LRMDA: variants seen among roughly 807,000 people sequenced by gnomAD.
The protein encoded by LRMDA is leucine-rich melanocyte differentiation-associated protein.
Under a neutral mutation model 29.8 loss-of-function variants are expected in LRMDA, and 18 were observed. The ratio of observed to expected loss-of-function variants is 0.60; its 90% CI spans 0.42 to 0.90. The LOEUF is 0.90. Among genes scored for constraint, LRMDA ranks in the 40% least tolerant of loss-of-function variants. The pLI is 0.00. For synonymous variants in LRMDA, 125 were observed against 109.4 expected, an observed-to-expected ratio of 1.14 and a Z score of -0.89; for missense variants, 273 against 273.9, an observed-to-expected ratio of 1.00 and a Z score of 0.02.
chr10:76,080,853 C>T (rs1156709847), intron 5 of LRMDA, among the ~76,000 whole-genome samples: 1 of 152,152 alleles, frequency 6.6e-6, no homozygotes, highest in African/African-American at 2.4e-5. Context: ...AAGCAAATGT[C>T]TCTTCCGACG....
At chr10:75,523,069 G>A (rs962561411) in intron 2 of LRMDA, among the ~76,000 whole-genome samples, 6 of 152,218 alleles carry the variant, frequency 3.9e-5, no homozygotes. Flanking sequence ...TTGAACTTCA[G>A]TTTCCTCACT....
chr10:76,429,524 T>A (rs1564539106), intron 6 of LRMDA, among the ~76,000 whole-genome samples: 1 of 152,040 alleles, frequency 6.6e-6, no homozygotes, highest in African/African-American at 2.4e-5. Flanking sequence ...GGGAGGCGCG[T>A]ACAAGCGAGG....
intron 2 of LRMDA, among the ~76,000 whole-genome samples, chr10:75,734,040 A>G (rs1809937581): frequency 6.6e-6 from 1 of 152,172 alleles, no homozygotes; most frequent in Non-Finnish European, 1.5e-5. Context: ...CGTGGGAGAC[A>G]CAAGGGAGAT....
intron 5 of LRMDA, among the ~76,000 whole-genome samples, chr10:76,173,959 C>A (rs957760407): frequency 6.6e-6 from 1 of 152,180 alleles, no homozygotes; most frequent in African/African-American, 2.4e-5. Context: ...TGCATCTGGC[C>A]TGCCATATGT....
chr10:75,514,698 T>C (rs1845269496), intron 2 of LRMDA, among the ~76,000 whole-genome samples: 1 of 152,180 alleles, frequency 6.6e-6, no homozygotes, highest in Non-Finnish European at 1.5e-5. Flanking sequence ...TGTCTTGCCA[T>C]GTGTCAGGCC....
chr10:76,160,307 T>C (rs1004515875), intron 5 of LRMDA, among the ~76,000 whole-genome samples: 5 of 151,990 alleles, frequency 3.3e-5, no homozygotes, highest in Non-Finnish European at 5.9e-5. Context: ...ACCTTAAATA[T>C]TTTATAATTG....
intron 2 of LRMDA, among the ~76,000 whole-genome samples, chr10:76,028,551 C>G (rs1848098119): frequency 1.3e-5 from 2 of 152,136 alleles, no homozygotes; most frequent in South Asian, 2.1e-4. Context: ...CTGTATCTTT[C>G]TTAATATCTC....
intron 2 of LRMDA, among the ~76,000 whole-genome samples, chr10:75,564,273 A>T (rs540778266): frequency 6.6e-6 from 1 of 152,178 alleles, no homozygotes; most frequent in African/African-American, 2.4e-5. Flanking sequence ...GACGCCTTGC[A>T]GCTTGATCTC....
chr10:76,162,971 T>A (rs1042825381), intron 5 of LRMDA, among the ~76,000 whole-genome samples: 1 of 152,236 alleles, frequency 6.6e-6, no homozygotes, highest in African/African-American at 2.4e-5. Flanking sequence ...TCTGTTGCTA[T>A]AATTCCAGAT....
intron 2 of LRMDA, among the ~76,000 whole-genome samples, chr10:75,622,907 G>T (rs1841205657): frequency 6.6e-6 from 1 of 152,182 alleles, no homozygotes; most frequent in Non-Finnish European, 1.5e-5. Context: ...GAGCTGTAAT[G>T]GGTCTGGGCT....
chr10:76,552,844 T>TG (rs1201867641), intron 6 of LRMDA, among the ~76,000 whole-genome samples: 8 of 152,194 alleles, frequency 5.3e-5, no homozygotes, highest in Non-Finnish European at 1.2e-4. Context: ...TTCCCTGGAC[T>TG]GGGCTCTCAG....
intron 5 of LRMDA, among the ~76,000 whole-genome samples, chr10:76,230,931 C>T (rs1482424667): frequency 2.0e-5 from 3 of 152,148 alleles, no homozygotes; most frequent in Admixed American, 6.5e-5. Context: ...TTTACAGCTT[C>T]TTTATAAAAT....
At chr10:76,236,587 A>C (rs937426034) in intron 5 of LRMDA, among the ~76,000 whole-genome samples, 1 of 151,780 alleles carries the variant, frequency 6.6e-6, no homozygotes, top group Non-Finnish European at 1.5e-5. Context: ...ACCTTTAAAA[A>C]CCCTAGCCCC....
At chr10:75,634,650 A>T (rs959427432) in intron 2 of LRMDA, among the ~76,000 whole-genome samples, 4 of 152,258 alleles carry the variant, frequency 2.6e-5, no homozygotes, top group African/African-American at 9.6e-5. Flanking sequence ...AAACAGAGGT[A>T]TAAGGAATGA....
chr10:75,735,981 A>C (rs1336264396), intron 2 of LRMDA, among the ~76,000 whole-genome samples: 2 of 152,144 alleles, frequency 1.3e-5, no homozygotes, highest in East Asian at 1.9e-4. Flanking sequence ...GCAGCTGGGC[A>C]AAAGGGTAAG....
intron 2 of LRMDA, among the ~76,000 whole-genome samples, chr10:75,544,793 T>A (rs1241512834): frequency 1.3e-5 from 2 of 152,216 alleles, no homozygotes; most frequent in East Asian, 3.8e-4. Context: ...TGAGGTATAA[T>A]TGACGAATAA....
chr10:75,894,295 T>C (rs1845546984), intron 2 of LRMDA, among the ~76,000 whole-genome samples: 2 of 152,226 alleles, frequency 1.3e-5, no homozygotes, highest in Non-Finnish European at 2.9e-5. Context: ...TTTCAGTTCC[T>C]GAGTTGCTTC....
intron 2 of LRMDA, among the ~76,000 whole-genome samples, chr10:75,883,968 C>T (rs1056974509): frequency 2.0e-5 from 3 of 151,692 alleles, no homozygotes; most frequent in Non-Finnish European, 4.4e-5. Flanking sequence ...CATTGTGAGG[C>T]GTTTGTTGTT....
intron 6 of LRMDA, among the ~76,000 whole-genome samples, chr10:76,428,278 T>C (rs1842151304): frequency 2.6e-5 from 4 of 152,106 alleles, no homozygotes; most frequent in African/African-American, 9.7e-5. Context: ...TCTTGGATTG[T>C]AGTGATATTT....
Sources: allele counts gnomAD v4.1 joint callset (sites outside exome capture counted in the v4.1 genomes callset), GRCh38; gene constraint gnomAD v4.1.1; transcripts MANE v1.5; gene names NCBI Gene and HGNC (gene_info 2026-07-23, HGNC 2026-07-21).